Variants in TBC1D5 observed in about 807,000 individuals in gnomAD.
The protein encoded by TBC1D5 is TBC1 domain family member 5.
TBC1D5 carries 75 observed loss-of-function variants against 100.3 expected under a neutral mutation model. The ratio of observed to expected loss-of-function variants is 0.75; its 90% CI spans 0.62 to 0.91. The LOEUF (loss-of-function observed/expected upper bound fraction) is 0.91, where lower values mean the gene tolerates loss of function less well. TBC1D5 is among the 40% of genes least tolerant of loss of function. The pLI is 0.00. For missense variants in TBC1D5, 910 were observed against 942.4 expected (o/e 0.97, Z 0.45); for synonymous variants, 323 against 325.6 (o/e 0.99, Z 0.09).
intron 13 of TBC1D5, among the ~76,000 whole-genome samples, chr3:17,370,252 T>G (rs2092387097): frequency 1.3e-5 from 2 of 152,158 alleles, no homozygotes; most frequent in African/African-American, 4.8e-5. Flanking sequence ...TATAAAGCAT[T>G]TCAAAGAAAT....
intron 14 of TBC1D5, among the ~76,000 whole-genome samples, chr3:17,299,551 A>C (rs1040994743): frequency 1.3e-5 from 2 of 152,162 alleles, no homozygotes; most frequent in African/African-American, 4.8e-5. Context: ...ATGCAGGTTT[A>C]TCAAGTGTAA....
In TBC1D5 at chr3:17,207,458, A is replaced by G. The variant is rs192780642; in HGVS notation, c.1752+6749T>C. On this transcript the variant is annotated intron_variant, in intron 18 of 21. Coordinates refer to ENST00000253692, the Ensembl canonical transcript of TBC1D5. ...ACAATAATGAAGTGAGGTCAATTTT[A>G]AAACTTTCTACTAGTTTTCACATTT... Among the ~76,000 whole-genome samples, 121 of 152,344 alleles carry G rather than the reference A, an allele frequency of 7.9e-4. 2 individuals are homozygous for G. The South Asian group carries it at 0.012, about 16-fold the overall frequency.
intron 13 of TBC1D5, among the ~76,000 whole-genome samples, chr3:17,361,996 C>T (rs776221464): frequency 1.1e-4 from 17 of 151,924 alleles, no homozygotes; most frequent in Non-Finnish European, 2.2e-4. Flanking sequence ...TGTAGCCAGA[C>T]AAAACTAACT....
Position 17,730,012 on chromosome 3 carries a change from G to A in TBC1D5, c.-101+9331C>T, listed in dbSNP as rs549873370. On this transcript the variant is annotated intron_variant, in intron 1 of 21. Coordinates refer to ENST00000253692, the Ensembl canonical transcript of TBC1D5. ...TGTAATCCCAGCTACTCAGGAGGCC[G>A]AGGCAGGAGAATCGCTTGAACCAGA... 1.7e-3 allele frequency among the ~76,000 whole-genome samples: 254 copies of A among 152,038 alleles called. 2 individuals carry two copies. Among genetic ancestry groups the A allele is most frequent in the African/African-American group, 5.9e-3 (245 of 41,474 alleles).
intron 3 of TBC1D5, among the ~76,000 whole-genome samples, chr3:17,485,840 C>T (rs1179124509): frequency 6.6e-6 from 1 of 152,028 alleles, no homozygotes; most frequent in East Asian, 1.9e-4. Flanking sequence ...GATTTATAGT[C>T]CTTTGGGTAT....
At chr3:17,643,832 A>G (rs1211880092) in intron 1 of TBC1D5, among the ~76,000 whole-genome samples, 4 of 152,074 alleles carry the variant, frequency 2.6e-5, no homozygotes, top group Non-Finnish European at 5.9e-5. Context: ...TTTTTATTGC[A>G]AGTAATGCAT....
chr3:17,635,896 T>G (rs749332104), intron 1 of TBC1D5, among the ~76,000 whole-genome samples: 47 of 152,056 alleles, frequency 3.1e-4, no homozygotes, highest in Non-Finnish European at 6.5e-4. Context: ...AGTGACATTT[T>G]TAAAAGAATG....
At chr3:17,158,099 A>C (rs971863373) in exon 22 of TBC1D5, 1 of 152,260 alleles carries the variant, frequency 6.6e-6, no homozygotes, top group African/African-American at 2.4e-5. Context: ...ACCCTGTGGC[A>C]TACACTCAAG....
chr3:17,374,754 T>A, intron 10 of TBC1D5, 75 bp from the exon 11 acceptor site: 2 of 1,451,014 alleles, frequency 1.4e-6, no homozygotes, highest in Admixed American at 2.1e-5. Flanking sequence ...CCTTATTCTA[T>A]ATAAGACAAC....
intron 1 of TBC1D5, among the ~76,000 whole-genome samples, chr3:17,695,512 T>C (rs1468999703): frequency 6.6e-6 from 1 of 152,198 alleles, no homozygotes; most frequent in Non-Finnish European, 1.5e-5. Context: ...GGCCATTACA[T>C]AATGGTAAAG....
chr3:17,185,708 A>AT (rs2068959609), intron 18 of TBC1D5, among the ~76,000 whole-genome samples: 1 of 151,844 alleles, frequency 6.6e-6, no homozygotes, highest in South Asian at 2.1e-4. Context: ...AAAATAAAAA[A>AT]AAAATAAAAA....
At chr3:17,252,648 A>G (rs1229114370) in intron 16 of TBC1D5, among the ~76,000 whole-genome samples, 1 of 152,166 alleles carries the variant, frequency 6.6e-6, no homozygotes, top group Admixed American at 6.5e-5. Flanking sequence ...ATAATTCCCC[A>G]TCTCTACCAG....
At chr3:17,159,519 G>A (rs2065864060) in exon 22 of TBC1D5, 1 of 152,266 alleles carries the variant, frequency 6.6e-6, no homozygotes, top group South Asian at 2.1e-4. Context: ...CCCTGATGGA[G>A]GCGAGACAGG....
chr3:17,608,549 T>C (rs1228291642), intron 2 of TBC1D5, among the ~76,000 whole-genome samples: 1 of 152,226 alleles, frequency 6.6e-6, no homozygotes, highest in East Asian at 1.9e-4. Flanking sequence ...TCCATGATTA[T>C]TCCTTTCCTT....
At chr3:17,394,946 GA>G (rs35965744) in intron 8 of TBC1D5, among the ~76,000 whole-genome samples, 1,548 of 144,750 alleles carry the variant, frequency 0.011, 21 homozygotes, top group Non-Finnish European at 0.011. Flanking sequence ...TTTTTAAAGT[GA>G]AAAAAAAAAG....
At position 17,431,587 on chromosome 3, in the gene TBC1D5, G is replaced by A. The variant is rs115429824; in HGVS notation, c.98-3068C>T. On this transcript the variant is annotated intron_variant, in intron 3 of 21. Transcript: ENST00000253692. ...AACAATTCATCAATTACTTGTGACC[G>A]TAAGTTTGAAATTTATATAACATTC... Among the ~76,000 whole-genome samples, 768 of 151,984 alleles carry A rather than the reference G, an allele frequency of 5.1e-3. 4 individuals are homozygous for A. The highest frequency in any genetic ancestry group is 0.017 in the African/African-American group (713 of 41,542).
At chr3:17,632,524 C>T (rs1181384383) in intron 1 of TBC1D5, among the ~76,000 whole-genome samples, 1 of 152,138 alleles carries the variant, frequency 6.6e-6, no homozygotes, top group African/African-American at 2.4e-5. Context: ...TGCTATCAAA[C>T]CTAATCACAT....
At chr3:17,725,570 C>T (rs4132964) in intron 1 of TBC1D5, among the ~76,000 whole-genome samples, 1 of 152,086 alleles carries the variant, frequency 6.6e-6, no homozygotes, top group East Asian at 1.9e-4. Context: ...GCTTCCATTT[C>T]TATATCCTGT....
chr3:17,576,854 A>T (rs1011812501), intron 2 of TBC1D5, among the ~76,000 whole-genome samples: 1 of 152,022 alleles, frequency 6.6e-6, no homozygotes, highest in African/African-American at 2.4e-5. Context: ...TCCCAAGGGG[A>T]ACACTTAAAA....
Sources: gnomAD v4.1 joint callset for allele counts (sites outside exome capture counted in the v4.1 genomes callset) on GRCh38, gnomAD v4.1.1 for gene constraint, MANE v1.5 for transcripts, NCBI Gene and HGNC (gene_info 2026-07-23, HGNC 2026-07-21) for gene names.